CCDC178: variants seen among roughly 807,000 people sequenced by gnomAD.
The protein encoded by CCDC178 is coiled-coil domain containing 178.
In CCDC178, 126 loss-of-function variants were observed where a neutral mutation model predicts 117.4. The ratio of observed to expected loss-of-function variants is 1.07; its 90% CI spans 0.93 to 1.24. The LOEUF (loss-of-function observed/expected upper bound fraction) is 1.24, where lower values mean the gene tolerates loss of function less well. CCDC178 is among the 50% of genes most tolerant of loss of function. CCDC178 has a pLI of 0.00. For missense variants in CCDC178, 1,030 were observed against 986.9 expected (o/e 1.04, Z -0.59); for synonymous variants, 283 against 313.4 (o/e 0.90, Z 1.02).
At position 33,226,860 on chromosome 18, in the gene CCDC178, A is replaced by G. The variant is rs763299285; in HGVS notation, c.1594-5T>C. ...TTTCAGGAATTCTTCTCTACCCTAT[A>G]TGTTAGGAAATTTTTAAAATGAGGA... On this transcript the variant is annotated splice_region_variant and splice_polypyrimidine_tract_variant and intron_variant, in intron 15 of 22. Coordinates refer to ENST00000383096, the MANE Select transcript of CCDC178 (RefSeq NM_001105528.4). 6.6e-7 allele frequency: 1 copy of G among 1,516,072 alleles called. No individual in the cohort carries two copies. The highest frequency in any genetic ancestry group is 1.3e-5 in the South Asian group (1 of 78,058). 93.9% of individuals were successfully genotyped at this position (1,516,072 alleles called of 1,614,324 possible).
In CCDC178 at chr18:33,346,223, C is replaced by A. The variant is rs745408194; in HGVS notation, c.646G>T (p.Ala216Ser). 2 of 1,611,434 alleles carry A rather than the reference C, an allele frequency of 1.2e-6. No homozygotes were observed. The highest frequency in any genetic ancestry group is 1.1e-5 in the South Asian group (1 of 90,934). Residue 216 changes from alanine to serine, a missense_variant, in exon 9 of 23, where the codon GCT becomes TCT. Coordinates refer to ENST00000383096, the MANE Select transcript of CCDC178 (RefSeq NM_001105528.4). ...TCCCTATTATTACCTTTCTGCACAG[C>A]CAATGGGAGTTCTTGAAGTTTCCAG... ...SVWKLQELPL[A>S]VQKEHEAYLS...
intron 7 of CCDC178, among the ~76,000 whole-genome samples, chr18:33,349,564 T>C (rs1430622592): frequency 1.3e-5 from 2 of 151,914 alleles, no homozygotes; most frequent in Non-Finnish European, 2.9e-5. Context: ...AAATTCTGTA[T>C]GTTGAATAAT....
chr18:33,286,738 T>C (rs1332034465), intron 12 of CCDC178, among the ~76,000 whole-genome samples: 1 of 152,154 alleles, frequency 6.6e-6, no homozygotes, highest in Admixed American at 6.5e-5. Context: ...TACTAAAAAA[T>C]AATTTTGTGT....
chr18:33,039,449 A>C (rs550405208), intron 21 of CCDC178, among the ~76,000 whole-genome samples: 10 of 152,184 alleles, frequency 6.6e-5, no homozygotes, highest in African/African-American at 2.4e-4. Context: ...TCTCAAGACC[A>C]GCAAGGCCAG....
At chr18:33,095,444 C>T (rs1233574652) in intron 20 of CCDC178, among the ~76,000 whole-genome samples, 1 of 151,722 alleles carries the variant, frequency 6.6e-6, no homozygotes, top group Non-Finnish European at 1.5e-5. Flanking sequence ...AGCTTCTTTT[C>T]CCAATATTTT....
chr18:32,944,067 A>T lies in CCDC178; in HGVS notation c.2524-5976T>A, dbSNP rs560151436. Among the ~76,000 whole-genome samples the T allele has an allele frequency of 1.3e-4, 19 of 149,840 alleles. No homozygotes were observed. The South Asian group carries it at 2.1e-3, about 17-fold the overall frequency. On this transcript the variant is annotated intron_variant, in intron 22 of 22. Transcript: ENST00000383096. ...GGCTTAAAGTGGAAAAGTAGCACAC[A>T]TTTTTTTTTTCAGGGAAGGATCCCC...
At chr18:33,062,904 C>T (rs2056948457) in intron 21 of CCDC178, among the ~76,000 whole-genome samples, 1 of 152,180 alleles carries the variant, frequency 6.6e-6, no homozygotes, top group South Asian at 2.1e-4. Flanking sequence ...GAACTCCAGC[C>T]CACAGTGTCT....
chr18:33,231,831 C>A (rs11873238), intron 15 of CCDC178, among the ~76,000 whole-genome samples: 1,611 of 152,228 alleles, frequency 0.011, 30 homozygotes, highest in African/African-American at 0.036. Flanking sequence ...AGACACAACC[C>A]CACCCTCTCC....
chr18:33,140,049 C>T (rs1723814756), intron 20 of CCDC178, among the ~76,000 whole-genome samples: 1 of 152,176 alleles, frequency 6.6e-6, no homozygotes, highest in African/African-American at 2.4e-5. Context: ...AGGGTGCAAG[C>T]CTCAAGCCTT....
intron 2 of CCDC178, among the ~76,000 whole-genome samples, chr18:33,428,374 T>C (rs986833490): frequency 3.3e-5 from 5 of 152,160 alleles, no homozygotes; most frequent in Admixed American, 1.3e-4. Context: ...ACTGGCCCTA[T>C]TTTTGTAGAG....
intron 20 of CCDC178, among the ~76,000 whole-genome samples, chr18:33,191,425 C>G (rs2058856709): frequency 6.6e-6 from 1 of 152,038 alleles, no homozygotes; most frequent in African/African-American, 2.4e-5. Context: ...TTTATTTCAA[C>G]TTTGAATTTA....
intron 20 of CCDC178, among the ~76,000 whole-genome samples, chr18:33,192,660 C>G (rs2625007): frequency 0.16 from 24,404 of 150,422 alleles, 2,705 homozygotes; most frequent in African/African-American, 0.32. Flanking sequence ...TAGCACTTTG[C>G]GAGGCCGAGG....
At chr18:33,285,187 C>T (rs1362275134) in intron 12 of CCDC178, among the ~76,000 whole-genome samples, 2 of 151,812 alleles carry the variant, frequency 1.3e-5, no homozygotes, top group Admixed American at 6.6e-5. Context: ...AAAATGGAAG[C>T]AAGCATTCCG....
At chr18:33,054,219 T>C (rs763588726) in intron 21 of CCDC178, among the ~76,000 whole-genome samples, 1 of 152,224 alleles carries the variant, frequency 6.6e-6, no homozygotes, top group African/African-American at 2.4e-5. Context: ...ATGAGCTGTG[T>C]CATCAAATCA....
chr18:33,115,766 A>T (rs1598898562), intron 20 of CCDC178, among the ~76,000 whole-genome samples: 1 of 152,014 alleles, frequency 6.6e-6, no homozygotes, highest in East Asian at 1.9e-4. Context: ...GTGCTCCTGC[A>T]CATTCTGAGT....
intron 21 of CCDC178, among the ~76,000 whole-genome samples, chr18:33,014,919 G>A (rs1218210326): frequency 2.0e-5 from 3 of 152,122 alleles, no homozygotes; most frequent in African/African-American, 7.2e-5. Context: ...TAATTGAAAT[G>A]TCTAGTTTTG....
At chr18:32,941,738 C>T (rs906370402) in intron 22 of CCDC178, among the ~76,000 whole-genome samples, 1 of 152,120 alleles carries the variant, frequency 6.6e-6, no homozygotes, top group Non-Finnish European at 1.5e-5. Context: ...TGCTACTGAG[C>T]TTAGACCAAA....
chr18:33,249,619 T>G (rs940524986), intron 14 of CCDC178, among the ~76,000 whole-genome samples: 24 of 152,114 alleles, frequency 1.6e-4, no homozygotes, highest in African/African-American at 5.8e-4. Flanking sequence ...TCTGTTCCAT[T>G]CAGCTCTATC....
chr18:33,209,823 T>C (rs951207437), intron 20 of CCDC178, among the ~76,000 whole-genome samples: 7 of 152,060 alleles, frequency 4.6e-5, no homozygotes, highest in South Asian at 2.1e-4. Context: ...ACTGTTGACA[T>C]AGTTAACAGA....
Sources: gnomAD v4.1 joint callset for allele counts (sites outside exome capture counted in the v4.1 genomes callset) on GRCh38, gnomAD v4.1.1 for gene constraint, MANE v1.5 for transcripts, NCBI Gene and HGNC (gene_info 2026-07-23, HGNC 2026-07-21) for gene names.